LRPPRC: variants seen among roughly 807,000 people sequenced by gnomAD.
LRPPRC encodes leucine rich pentatricopeptide repeat containing.
In LRPPRC, 120 loss-of-function variants were observed where a neutral mutation model predicts 180.3. The ratio of observed to expected loss-of-function variants is 0.67; its 90% CI spans 0.57 to 0.77. The LOEUF is 0.77. LRPPRC is among the 30% of genes least tolerant of loss of function. The probability of loss-of-function intolerance (pLI) is 0.00; values close to 1 mark genes in which losing one functional copy is unlikely to be tolerated. For synonymous variants in LRPPRC, 723 were observed against 600.0 expected (o/e 1.21, Z -3.00); for missense variants, 2,012 against 1,657.2 (o/e 1.21, Z -3.72).
chr2:43,894,517 T>C (rs369932646), intron 36 of LRPPRC, 28 bp downstream of exon 36: 4 of 1,057,832 alleles, frequency 3.8e-6, no homozygotes, highest in African/African-American at 1.6e-5. Flanking sequence ...TTTAAATAAA[T>C]AATATAGTCA....
intron 25 of LRPPRC, among the ~76,000 whole-genome samples, chr2:43,927,102 T>G (rs1671907208): frequency 6.6e-6 from 1 of 152,206 alleles, no homozygotes; most frequent in Non-Finnish European, 1.5e-5. Context: ...TTTCATCATC[T>G]GCAAGAGGGC....
At position 43,973,845 on chromosome 2, in the gene LRPPRC, G is replaced by T. The variant is rs148016991; in HGVS notation, c.1211C>A (p.Ser404Tyr). 7 of 1,613,762 alleles carry T rather than the reference G, an allele frequency of 4.3e-6. No individual in the cohort carries two copies. In the African/African-American group the frequency reaches 9.3e-5, roughly 22 times the overall value. The change falls in exon 10 of 38, where the codon TCC becomes TAC. Residue 404 changes from serine to tyrosine, a missense_variant. By Grantham distance (144) the Ser-to-Tyr change is moderately radical. Transcript: ENST00000260665. Reference sequence around the variant, plus strand: ...ATGGAGGGTGAACTGCAGAGGAAAGGAGTGCATCTGGACTTCCTTTAACTT... The same window carrying T: ...ATGGAGGGTGAACTGCAGAGGAAAGTAGTGCATCTGGACTTCCTTTAACTT... Reference protein sequence around the residue: ...CKKLKEVQMHSFPLQFTLHCA... With the variant: ...CKKLKEVQMHYFPLQFTLHCA...
Position 43,973,620 on chromosome 2 carries a change from T to C in LRPPRC, c.1356A>G (p.Glu452=). Reference sequence around the variant, plus strand: ...GCAAAATCTAACCTTGAACATTTTTTTCCTTCCGACGTCCAACTAGCAATG... The same window carrying C: ...GCAAAATCTAACCTTGAACATTTTTCTCCTTCCGACGTCCAACTAGCAATG... ...FWPLLVGRRK[E]KNVQGIIEIL... Residue 452 remains glutamate (E), a synonymous_variant, in exon 11 of 38, where the codon GAA becomes GAG. Coordinates refer to ENST00000260665, the MANE Select transcript of LRPPRC (RefSeq NM_133259.4). 1 of 1,612,922 alleles carries C rather than the reference T, an allele frequency of 6.2e-7. No individual in the cohort carries two copies. Among genetic ancestry groups the C allele is most frequent in the Non-Finnish European group, 8.5e-7 (1 of 1,178,886 alleles).
intron 36 of LRPPRC, among the ~76,000 whole-genome samples, chr2:43,891,343 T>G (rs1670485396): frequency 6.6e-6 from 1 of 152,260 alleles, no homozygotes; most frequent in Admixed American, 6.5e-5. Flanking sequence ...TTGGCTTTAA[T>G]GCACTTTACA....
At chr2:43,920,816 G>A (rs189257142) in intron 27 of LRPPRC, among the ~76,000 whole-genome samples, 5 of 152,220 alleles carry the variant, frequency 3.3e-5, no homozygotes, top group African/African-American at 4.8e-5. Context: ...ATACTGCTAA[G>A]GACCTTTAAA....
rs746600862 is a variant in LRPPRC at position 43,932,123 on chromosome 2, CAAAAAAAAAAAAAAAAAAA to C, written c.2736+2048_2736+2066del. 1.6e-3 allele frequency among the ~76,000 whole-genome samples: 34 copies of C among 20,860 alleles called. 1 individual carries two copies. Among genetic ancestry groups the C allele is most frequent in the Admixed American group, 8.5e-3 (9 of 1,060 alleles). The allele number at this position is 20,860 out of a possible 152,430, so 13.7% of individuals were successfully genotyped here. On this transcript the variant is annotated intron_variant, in intron 25 of 37. Transcript: ENST00000260665. ...TGGCTAACAAAGCAAGACCCTGTCT[CAAAAAAAAAAAAAAAAAAA>C]AAAAAAAAAAAGACTGGAGACTGTC...
At chr2:43,992,115 C>G (rs1674807821) in intron 1 of LRPPRC, among the ~76,000 whole-genome samples, 1 of 152,104 alleles carries the variant, frequency 6.6e-6, no homozygotes, top group Non-Finnish European at 1.5e-5. Flanking sequence ...TTTAGTGATA[C>G]ACGGTCTAAG....
chr2:43,943,329 C>T (rs371287624), intron 23 of LRPPRC, among the ~76,000 whole-genome samples: 5 of 152,174 alleles, frequency 3.3e-5, no homozygotes, highest in African/African-American at 1.2e-4. Flanking sequence ...TGCTTCAACA[C>T]TTATTACCTG....
At chr2:43,915,882 C>T (rs1671449844) in intron 29 of LRPPRC, among the ~76,000 whole-genome samples, 1 of 152,160 alleles carries the variant, frequency 6.6e-6, no homozygotes, top group Non-Finnish European at 1.5e-5. Context: ...CCTCTCACCT[C>T]AACCTCCTGA....
intron 29 of LRPPRC, among the ~76,000 whole-genome samples, chr2:43,913,389 T>C (rs1671332570): frequency 6.6e-6 from 1 of 152,192 alleles, no homozygotes; most frequent in African/African-American, 2.4e-5. Context: ...CGTACGGCCT[T>C]CTACGAATAT....
intron 12 of LRPPRC, among the ~76,000 whole-genome samples, chr2:43,963,264 G>T (rs1466928505): frequency 6.6e-6 from 1 of 152,054 alleles, no homozygotes; most frequent in East Asian, 1.9e-4. Flanking sequence ...GACCAACATG[G>T]AGAAACCCTG....
At chr2:43,989,698 C>T (rs956596526) in intron 1 of LRPPRC, among the ~76,000 whole-genome samples, 9 of 152,158 alleles carry the variant, frequency 5.9e-5, no homozygotes, top group Non-Finnish European at 1.2e-4. Context: ...TAACTGTAAA[C>T]AGGAAAATGA....
At chr2:43,939,488 T>A (rs1217059572) in intron 23 of LRPPRC, among the ~76,000 whole-genome samples, 2 of 151,744 alleles carry the variant, frequency 1.3e-5, no homozygotes, top group Non-Finnish European at 2.9e-5. Context: ...AGAAAAAAGT[T>A]TAAAAAAGAA....
In LRPPRC at chr2:43,914,827, T is replaced by G. The variant is rs540260770; in HGVS notation, c.3149-2269A>C. On this transcript the variant is annotated intron_variant, in intron 29 of 37. Transcript: ENST00000260665. The stretch of plus-strand genomic sequence containing the variant: ...TCCACATTTATAATACACACTGCAT[T>G]GTATTTAATTATTTAACTACTTAAA... Among the ~76,000 whole-genome samples, 24 of 152,250 alleles carry G rather than the reference T, an allele frequency of 1.6e-4. No individual in the cohort carries two copies. In the South Asian group the frequency reaches 4.1e-3, roughly 26 times the overall value.
At chr2:43,908,273 A>T (rs1671130319) in intron 30 of LRPPRC, among the ~76,000 whole-genome samples, 1 of 152,224 alleles carries the variant, frequency 6.6e-6, no homozygotes, top group Non-Finnish European at 1.5e-5. Context: ...TCTTTGAATC[A>T]GTGGTTTCCC....
chr2:43,899,388 C>T, intron 33 of LRPPRC, 54 bp from the exon 34 acceptor site: 1 of 1,598,706 alleles, frequency 6.3e-7, no homozygotes, highest in South Asian at 1.1e-5. Context: ...GTATAACTCA[C>T]CTACCAAAGA....
chr2:43,920,880 G>T (rs973789022), intron 27 of LRPPRC, among the ~76,000 whole-genome samples: 1 of 152,060 alleles, frequency 6.6e-6, no homozygotes, highest in African/African-American at 2.4e-5. Flanking sequence ...CTACAACTCC[G>T]TGCCTTTAGG....
intron 12 of LRPPRC, among the ~76,000 whole-genome samples, chr2:43,961,859 G>A (rs556900454): frequency 6.6e-6 from 1 of 152,262 alleles, no homozygotes; most frequent in African/African-American, 2.4e-5. Context: ...TACTTGGGAG[G>A]CTGAGGCAGA....
chr2:43,904,233 C>T (rs943219333), intron 31 of LRPPRC, among the ~76,000 whole-genome samples: 2 of 152,086 alleles, frequency 1.3e-5, no homozygotes, highest in African/African-American at 4.8e-5. Flanking sequence ...TGAGCCATTG[C>T]GCCTAGCCAC....
Sources: allele counts gnomAD v4.1 joint callset (sites outside exome capture counted in the v4.1 genomes callset), GRCh38; gene constraint gnomAD v4.1.1; transcripts MANE v1.5; gene names NCBI Gene and HGNC (gene_info 2026-07-23, HGNC 2026-07-21).